The following GRIN2A variants were observed in gnomAD, a reference collection of about 807,000 sequenced individuals.
GRIN2A encodes the protein glutamate receptor ionotropic, NMDA 2A.
In GRIN2A, 22 loss-of-function variants were observed where a neutral mutation model predicts 113.4. The ratio of observed to expected loss-of-function variants is 0.19; its 90% CI spans 0.14 to 0.28. The LOEUF (loss-of-function observed/expected upper bound fraction) is 0.28, where lower values mean the gene tolerates loss of function less well. GRIN2A is among the 10% of genes least tolerant of loss of function. GRIN2A has a pLI of 1.00. For synonymous variants in GRIN2A, 827 were observed against 738.4 expected (o/e 1.12, Z -1.94); for missense variants, 1,502 against 1,887.0 (o/e 0.80, Z 3.78).
intron 5 of GRIN2A, among the ~76,000 whole-genome samples, chr16:9,848,360 C>T (rs1042921488): frequency 6.6e-6 from 1 of 150,414 alleles, no homozygotes; most frequent in African/African-American, 2.4e-5. Flanking sequence ...GGATCACAGG[C>T]GCCCACCACC....
intron 2 of GRIN2A, among the ~76,000 whole-genome samples, chr16:10,073,430 C>T (rs1463006125): frequency 1.3e-5 from 2 of 152,024 alleles, no homozygotes; most frequent in African/African-American, 4.8e-5. Context: ...GATTCTGAAG[C>T]CAGGGGAGGT....
At chr16:9,997,979 T>G (rs982454858) in intron 2 of GRIN2A, among the ~76,000 whole-genome samples, 1 of 152,246 alleles carries the variant, frequency 6.6e-6, no homozygotes, top group Non-Finnish European at 1.5e-5. Context: ...TATTTCTTCA[T>G]AGCAGTATGA....
chr16:9,933,498 T>A (rs1330014097), intron 3 of GRIN2A, among the ~76,000 whole-genome samples: 4 of 152,198 alleles, frequency 2.6e-5, no homozygotes, highest in Non-Finnish European at 5.9e-5. Flanking sequence ...TCTGAACTTC[T>A]TCTGGAGCTA....
chr16:9,840,886 T>C (rs2141344312), intron 6 of GRIN2A, 50 bp downstream of exon 6: 1 of 1,602,300 alleles, frequency 6.2e-7, no homozygotes, highest in Non-Finnish European at 8.5e-7. Context: ...TCCTGAGGAC[T>C]GCAGGCCCTT....
intron 2 of GRIN2A, among the ~76,000 whole-genome samples, chr16:10,014,056 T>TC (rs2046558874): frequency 6.6e-6 from 1 of 152,218 alleles, no homozygotes; most frequent in African/African-American, 2.4e-5. Context: ...GATGCCTGTG[T>TC]CCCCGTCTAG....
At chr16:9,995,881 A>C (rs1172478428) in intron 2 of GRIN2A, among the ~76,000 whole-genome samples, 1 of 152,010 alleles carries the variant, frequency 6.6e-6, no homozygotes, top group Non-Finnish European at 1.5e-5. Flanking sequence ...AGTCTAAGAT[A>C]ATAACAGAGG....
At chr16:9,923,554 C>T (rs1334384753) in intron 3 of GRIN2A, among the ~76,000 whole-genome samples, 2 of 151,748 alleles carry the variant, frequency 1.3e-5, no homozygotes, top group East Asian at 3.9e-4. Context: ...TCCTTTGTGG[C>T]TTATTAGCCA....
intron 2 of GRIN2A, among the ~76,000 whole-genome samples, chr16:9,965,170 C>T (rs1266045258): frequency 6.6e-6 from 1 of 152,226 alleles, no homozygotes; most frequent in African/African-American, 2.4e-5. Flanking sequence ...TAAATACTAT[C>T]AGTTGCATAC....
At chr16:9,987,374 C>CA (rs946480379) in intron 2 of GRIN2A, among the ~76,000 whole-genome samples, 24 of 151,460 alleles carry the variant, frequency 1.6e-4, no homozygotes, top group Admixed American at 3.9e-4. Context: ...ACTATGGAAG[C>CA]AAAAAAAATG....
chr16:9,942,462 C>T (rs745721351), intron 2 of GRIN2A, among the ~76,000 whole-genome samples: 4 of 152,132 alleles, frequency 2.6e-5, no homozygotes, highest in Non-Finnish European at 4.4e-5. Context: ...GAATAATGAC[C>T]CTTCCATCAC....
At chr16:10,034,535 C>CAAAAAAAAAAAAA (rs58076569) in intron 2 of GRIN2A, among the ~76,000 whole-genome samples, 3 of 36,430 alleles carry the variant, frequency 8.2e-5, no homozygotes, top group Non-Finnish European at 1.0e-4. Context: ...CAAAAAAAAG[C>CAAAAAAAAAAAAA]AAAAAAAAAA....
chr16:10,072,328 A>T (rs778796298), intron 2 of GRIN2A, among the ~76,000 whole-genome samples: 3 of 152,248 alleles, frequency 2.0e-5, no homozygotes, highest in Non-Finnish European at 4.4e-5. Context: ...AGAGTGAAGC[A>T]TCAACTTCCA....
At chr16:9,864,764 T>A (rs960062389) in intron 4 of GRIN2A, among the ~76,000 whole-genome samples, 1 of 152,116 alleles carries the variant, frequency 6.6e-6, no homozygotes, top group Non-Finnish European at 1.5e-5. Flanking sequence ...CTGTGAAAAG[T>A]TATTGCGTTG....
intron 2 of GRIN2A, among the ~76,000 whole-genome samples, chr16:10,001,854 C>T (rs563567215): frequency 5.3e-5 from 8 of 152,140 alleles, no homozygotes; most frequent in Non-Finnish European, 1.2e-4. Flanking sequence ...ATAAAATGTC[C>T]ACCACAACGG....
At chr16:10,182,433 T>C (rs1372681873), upstream of GRIN2A, 1 of 151,376 alleles carries the variant, frequency 6.6e-6, no homozygotes, top group East Asian at 2.0e-4. Flanking sequence ...AAAGAGGAGG[T>C]AACGAGGGTG....
chr16:9,777,623 C>G (rs922296432), intron 11 of GRIN2A, among the ~76,000 whole-genome samples: 1 of 152,254 alleles, frequency 6.6e-6, no homozygotes, highest in African/African-American at 2.4e-5. Flanking sequence ...CACCTTCCAA[C>G]TGAGATTTCT....
intron 2 of GRIN2A, among the ~76,000 whole-genome samples, chr16:10,128,009 A>G (rs2142206967): frequency 6.6e-6 from 1 of 152,244 alleles, no homozygotes; most frequent in Non-Finnish European, 1.5e-5. Context: ...CTGGAAGCCA[A>G]GGTCACCCAT....
intron 2 of GRIN2A, among the ~76,000 whole-genome samples, chr16:10,098,331 G>A (rs967801016): frequency 6.6e-6 from 1 of 152,154 alleles, no homozygotes; most frequent in Non-Finnish European, 1.5e-5. Flanking sequence ...GTGGTGAAAA[G>A]GAAACACTTC....
At chr16:10,007,569 C>T (rs2058555613) in intron 2 of GRIN2A, among the ~76,000 whole-genome samples, 1 of 152,064 alleles carries the variant, frequency 6.6e-6, no homozygotes, top group African/African-American at 2.4e-5. Flanking sequence ...TATTTTCTGC[C>T]ATTCTTTGGG....
Sources: allele counts gnomAD v4.1 joint callset (sites outside exome capture counted in the v4.1 genomes callset), GRCh38; gene constraint gnomAD v4.1.1; transcripts MANE v1.5; gene names NCBI Gene and HGNC (gene_info 2026-07-23, HGNC 2026-07-21).